Variants in BNC2 observed in about 807,000 individuals in gnomAD.
BNC2 encodes zinc finger protein basonuclin-2.
Under a neutral mutation model 76.3 loss-of-function variants are expected in BNC2, and 20 were observed. That is an observed-to-expected ratio of 0.26 (90% confidence interval 0.18 to 0.38). The LOEUF is 0.38. Ranked by LOEUF, BNC2 falls within the 10% of genes least tolerant of loss-of-function variation. The probability of loss-of-function intolerance (pLI) is 1.00; values close to 1 mark genes in which losing one functional copy is unlikely to be tolerated. For synonymous variants in BNC2, 582 were observed against 514.8 expected (o/e 1.13, Z -1.77); for missense variants, 1,382 against 1,399.8 (o/e 0.99, Z 0.20).
chr9:16,780,882 T>C (rs551515165), intron 1 of BNC2, among the ~76,000 whole-genome samples: 2 of 152,274 alleles, frequency 1.3e-5, no homozygotes, highest in Non-Finnish European at 2.9e-5. Flanking sequence ...CAAGTCCAGT[T>C]TTCTTTTAAT....
At chr9:16,433,629 C>T (rs1820947780) in intron 6 of BNC2, among the ~76,000 whole-genome samples, 1 of 152,178 alleles carries the variant, frequency 6.6e-6, no homozygotes, top group African/African-American at 2.4e-5. Context: ...ACAGTGCCTC[C>T]CTATGTGTTA....
At chr9:16,705,737 A>C (rs1354002034) in intron 3 of BNC2, among the ~76,000 whole-genome samples, 1 of 152,152 alleles carries the variant, frequency 6.6e-6, no homozygotes, top group Non-Finnish European at 1.5e-5. Flanking sequence ...GTTATTATTA[A>C]TGACAAAATG....
Position 16,772,871 on chromosome 9 carries a change from TACA to T in BNC2, c.4-34389_4-34387del, listed in dbSNP as rs150275151. 1.4e-4 allele frequency among the ~76,000 whole-genome samples: 21 copies of T among 152,284 alleles called. No homozygotes were observed. The East Asian group carries it at 3.7e-3, about 27-fold the overall frequency. On this transcript the variant is annotated intron_variant, in intron 1 of 6. Coordinates refer to ENST00000380672, the MANE Select transcript of BNC2 (RefSeq NM_017637.6). ...GACTGATTCTTTTTCTGGAGAAACA[TACA>T]ACAACACAAGGGAAATCTTGTACTA...
intron 5 of BNC2, among the ~76,000 whole-genome samples, chr9:16,449,375 C>T (rs1331699633): frequency 6.6e-6 from 1 of 152,138 alleles, no homozygotes; most frequent in African/African-American, 2.4e-5. Flanking sequence ...AATATTTCCC[C>T]CTAGCGCTTT....
intron 3 of BNC2, among the ~76,000 whole-genome samples, chr9:16,617,240 T>A (rs972266738): frequency 6.6e-6 from 1 of 152,182 alleles, no homozygotes; most frequent in Non-Finnish European, 1.5e-5. Context: ...CAAAAAAACC[T>A]ACTTTTGAAC....
intron 5 of BNC2, among the ~76,000 whole-genome samples, chr9:16,447,837 G>C (rs998150702): frequency 1.3e-5 from 2 of 151,854 alleles, no homozygotes; most frequent in African/African-American, 4.8e-5. Context: ...AATATCGGTA[G>C]TCTTTCGGAA....
At chr9:16,457,068 C>T (rs143465954) in intron 5 of BNC2, among the ~76,000 whole-genome samples, 75 of 152,166 alleles carry the variant, frequency 4.9e-4, no homozygotes, top group Admixed American at 1.2e-3. Context: ...TCCCTCAGTT[C>T]TAATGGTAGT....
rs1295778435 is a variant in BNC2, at chr9:16,677,591, A to ACACACACACACG, written c.330+50205_330+50206insCGTGTGTGTGTG. ...TTGTCTCAAACAAACACACACACAC[A>ACACACACACACG]CACACACACACACACAGTAGCAATA... On this transcript the variant is annotated intron_variant, in intron 3 of 6. Transcript: ENST00000380672. 1.1e-4 allele frequency among the ~76,000 whole-genome samples: 17 copies of ACACACACACACG among 151,520 alleles called. 1 individual carries two copies. Among genetic ancestry groups the ACACACACACACG allele is most frequent in the African/African-American group, 3.2e-4 (13 of 41,036 alleles).
At chr9:16,605,576 T>C (rs1587226925) in intron 3 of BNC2, among the ~76,000 whole-genome samples, 2 of 152,340 alleles carry the variant, frequency 1.3e-5, no homozygotes, top group East Asian at 3.9e-4. Context: ...AAGTGCTACA[T>C]AAAACTGTTT....
intron 1 of BNC2, among the ~76,000 whole-genome samples, chr9:16,799,356 C>G (rs1473913678): frequency 6.6e-6 from 1 of 151,814 alleles, no homozygotes; most frequent in Non-Finnish European, 1.5e-5. Flanking sequence ...ACTCTCTCAC[C>G]CAAACTGGAG....
chr9:16,552,040 T>C (rs577309654), intron 5 of BNC2, among the ~76,000 whole-genome samples: 1 of 152,298 alleles, frequency 6.6e-6, no homozygotes, highest in South Asian at 2.1e-4. Context: ...GGATTATAGT[T>C]CTACCTTTGA....
At chr9:16,831,508 T>C (rs1247914468) in intron 1 of BNC2, among the ~76,000 whole-genome samples, 1 of 152,248 alleles carries the variant, frequency 6.6e-6, no homozygotes, top group East Asian at 1.9e-4. Context: ...ATGCGTTGAC[T>C]CTCATGTCAA....
At chr9:16,800,901 T>TTCTATCA in intron 1 of BNC2, among the ~76,000 whole-genome samples, 1 of 152,350 alleles carries the variant, frequency 6.6e-6, no homozygotes, top group African/African-American at 2.4e-5. Flanking sequence ...AGGGAAGCTA[T>TTCTATCA]TCTATCAGGC....
At chr9:16,658,449 A>T (rs1045027724) in intron 3 of BNC2, among the ~76,000 whole-genome samples, 1 of 152,188 alleles carries the variant, frequency 6.6e-6, no homozygotes, top group Admixed American at 6.5e-5. Flanking sequence ...AACACACATT[A>T]CCCTGGTCAA....
intron 6 of BNC2, 75 bp downstream of exon 6, chr9:16,435,480 T>C (rs1820988081): frequency 1.3e-6 from 2 of 1,526,322 alleles, no homozygotes; most frequent in African/African-American, 1.4e-5. Context: ...GGATTTCTTT[T>C]AGTGTGAAGT....
intron 5 of BNC2, among the ~76,000 whole-genome samples, chr9:16,537,301 G>A (rs749603962): frequency 1.3e-5 from 2 of 151,970 alleles, no homozygotes; most frequent in Non-Finnish European, 2.9e-5. Flanking sequence ...AGTACATACG[G>A]TTTCCTTGAA....
rs554923270 is a variant in BNC2 at position 16,820,073 on chromosome 9, C to T, written c.3+50573G>A. On this transcript the variant is annotated intron_variant, in intron 1 of 6. Transcript: ENST00000380672. ...CCAGGAGGCAGAGGCTGCAGTGAGC[C>T]GAGATCATGCCACTGCACTCTAGCC... 1.0e-3 allele frequency among the ~76,000 whole-genome samples: 135 copies of T among 130,756 alleles called. 1 individual carries two copies. Among genetic ancestry groups the T allele is most frequent in the Middle Eastern group, 5.8e-3 (1 of 172 alleles). 85.8% of individuals were successfully genotyped at this position (130,756 alleles called of 152,430 possible). A position where few individuals can be genotyped will look rare whatever the true frequency, so the allele number is the denominator to read the frequency against.
chr9:16,745,904 C>G (rs777243218), intron 1 of BNC2, among the ~76,000 whole-genome samples: 1 of 152,110 alleles, frequency 6.6e-6, no homozygotes, highest in Non-Finnish European at 1.5e-5. Context: ...TTTGCTTTAA[C>G]TAGGGGAGAC....
chr9:16,424,911 T>C (rs1273812390), intron 6 of BNC2, among the ~76,000 whole-genome samples: 4 of 152,244 alleles, frequency 2.6e-5, no homozygotes, highest in Non-Finnish European at 5.9e-5. Context: ...CTTATGGCTC[T>C]GTGCACAAAA....
Sources: allele counts gnomAD v4.1 joint callset (sites outside exome capture counted in the v4.1 genomes callset), GRCh38; gene constraint gnomAD v4.1.1; transcripts MANE v1.5; gene names NCBI Gene and HGNC (gene_info 2026-07-23, HGNC 2026-07-21).